The following MGST1 variants were observed in gnomAD, a reference collection of about 807,000 sequenced individuals.
MGST1 encodes microsomal glutathione S-transferase 1.
MGST1 carries 5 observed loss-of-function variants against 8.9 expected under a neutral mutation model. The observed-to-expected ratio is 0.56, with a 90% CI of 0.29 to 1.19. MGST1 has a LOEUF of 1.19. Ranked by LOEUF, MGST1 falls within the 50% of genes most tolerant of loss-of-function variation. The probability of loss-of-function intolerance (pLI) is 0.08; values close to 1 mark genes in which losing one functional copy is unlikely to be tolerated. For synonymous variants in MGST1, 54 were observed against 67.8 expected, an observed-to-expected ratio of 0.80 and a Z score of 1.00; for missense variants, 182 against 187.4, an observed-to-expected ratio of 0.97 and a Z score of 0.17.
intron 4 of MGST1, among the ~76,000 whole-genome samples, chr12:16,459,758 T>G (rs1014028876): frequency 1.3e-5 from 2 of 152,098 alleles, no homozygotes; most frequent in African/African-American, 4.8e-5. Flanking sequence ...ACTCAGCTTC[T>G]CAACCACATC....
chr12:16,560,373 G>C lies in MGST1; in HGVS notation n.483-29155G>C, dbSNP rs1431005847. 7 of 1,599,586 alleles carry C rather than the reference G, an allele frequency of 4.4e-6. No homozygotes were observed. The highest frequency in any genetic ancestry group is 6.0e-6 in the Non-Finnish European group (7 of 1,172,950). On this transcript the variant is annotated intron_variant and non_coding_transcript_variant, in intron 4 of 4. Transcript: ENST00000538857. The surrounding 1 kb of genome is among the most constrained non-coding windows in gnomAD (Gnocchi z 5.0). Reference sequence around the variant, plus strand: ...ATTAAATAAATAGCCAGCACAGAGAGGTTAACCATTTCTTAGAGACCAAAA... The same window carrying C: ...ATTAAATAAATAGCCAGCACAGAGACGTTAACCATTTCTTAGAGACCAAAA...
rs1326714388 is a variant in MGST1 at position 16,503,566 on chromosome 12, T to G, written n.483-85962T>G. On this transcript the variant is annotated intron_variant and non_coding_transcript_variant, in intron 4 of 4. Coordinates refer to the MGST1 transcript ENST00000538857. The surrounding 1 kb of genome is among the most constrained non-coding windows in gnomAD (Gnocchi z 4.8). The stretch of plus-strand genomic sequence containing the variant: ...ACTCTATCTCTTCTCTACTATTGGC[T>G]TCATAATTGTACATCCTCTTTAGAC... Among the ~76,000 whole-genome samples the G allele has an allele frequency of 6.6e-6, 1 of 152,200 alleles. No homozygotes were observed. Among genetic ancestry groups the G allele is most frequent in the Non-Finnish European group, 1.5e-5 (1 of 68,042 alleles).
chr12:16,549,220 C>G (rs548686190), intron 4 of MGST1: 2 of 152,194 alleles, frequency 1.3e-5, no homozygotes, highest in South Asian at 4.2e-4. Flanking sequence ...TTTGGTTATG[C>G]AAGTCCTTTC....
chr12:16,546,400 T>A lies in MGST1; in HGVS notation n.483-43128T>A, dbSNP rs922022305. Among the ~76,000 whole-genome samples the A allele has an allele frequency of 2.6e-5, 4 of 152,218 alleles. No individual in the cohort carries two copies. Among genetic ancestry groups the A allele is most frequent in the Non-Finnish European group, 4.4e-5 (3 of 67,980 alleles). On this transcript the variant is annotated intron_variant and non_coding_transcript_variant, in intron 4 of 4. Coordinates refer to the MGST1 transcript ENST00000538857. This position sits in a 1 kb window ranked among gnomAD's most constrained non-coding sequence, Gnocchi z 4.7. ...GTGATACCAATTTCGAGTATTCAGCTTCTGAGTCCAGAATACCAATTGTGT... is the reference window on the plus strand; with the variant it reads ...GTGATACCAATTTCGAGTATTCAGCATCTGAGTCCAGAATACCAATTGTGT...
intron 1 of MGST1, among the ~76,000 whole-genome samples, chr12:16,419,161 A>G (rs112533689): frequency 1.3e-5 from 2 of 152,134 alleles, no homozygotes; most frequent in African/African-American, 4.8e-5. Flanking sequence ...AAATCTGACA[A>G]TCTTCTTTCC....
Position 16,361,510 on chromosome 12 carries a change from T to A in MGST1, c.222-2285T>A, listed in dbSNP as rs866121518. On this transcript the variant is annotated intron_variant, in intron 3 of 3. Coordinates refer to ENST00000396210, the MANE Select transcript of MGST1 (RefSeq NM_020300.5). The surrounding 1 kb of genome is among the most constrained non-coding windows in gnomAD (Gnocchi z 4.2). ...GAAAGTGGACTCTTAGGAAGACTGA[T>A]GTCCACCTGGTGATAGATTTTGGCA... 5.8e-4 allele frequency among the ~76,000 whole-genome samples: 89 copies of A among 152,202 alleles called. 1 individual carries two copies. The highest frequency in any genetic ancestry group is 3.2e-4 in the Non-Finnish European group (22 of 68,030).
At chr12:16,522,173 A>G (rs2137191102) in intron 4 of MGST1, among the ~76,000 whole-genome samples, 1 of 152,192 alleles carries the variant, frequency 6.6e-6, no homozygotes. Context: ...TCCACTCTTC[A>G]TCAGCTCGGG....
At chr12:16,429,084 A>G (rs989132495) in intron 1 of MGST1, among the ~76,000 whole-genome samples, 2 of 152,040 alleles carry the variant, frequency 1.3e-5, no homozygotes, top group African/African-American at 4.8e-5. Context: ...ACATTGTTAA[A>G]TTTTTTGAAC....
downstream of MGST1, among the ~76,000 whole-genome samples, chr12:16,378,632 TC>T (rs1940417532): frequency 6.7e-6 from 1 of 150,216 alleles, no homozygotes; most frequent in Non-Finnish European, 1.5e-5. Flanking sequence ...CGATGCGGGC[TC>T]TTTTTTGGTT....
intron 3 of MGST1, among the ~76,000 whole-genome samples, chr12:16,358,127 C>T (rs763704681): frequency 1.3e-5 from 2 of 152,082 alleles, no homozygotes; most frequent in Non-Finnish European, 1.5e-5. Flanking sequence ...TTTCTCTGTC[C>T]CTCTCCCCAC....
chr12:16,350,155 CA>C (rs1939397646), intron 1 of MGST1, among the ~76,000 whole-genome samples: 1 of 151,998 alleles, frequency 6.6e-6, no homozygotes, highest in South Asian at 2.1e-4. Context: ...AGTTAAGTTA[CA>C]CTTACTAAGT....
chr12:16,393,028 A>G (rs1270901937), intron 1 of MGST1, among the ~76,000 whole-genome samples: 1 of 152,186 alleles, frequency 6.6e-6, no homozygotes, highest in Admixed American at 6.5e-5. Context: ...GGCCATTCTA[A>G]TGTCACCCAT....
chr12:16,546,261 G>A lies in MGST1; in HGVS notation n.483-43267G>A, dbSNP rs1411861463. Among the ~76,000 whole-genome samples, 2 of 152,090 alleles carry A rather than the reference G, an allele frequency of 1.3e-5. No homozygotes were observed. The highest frequency in any genetic ancestry group is 1.9e-4 in the East Asian group (1 of 5,194). On this transcript the variant is annotated intron_variant and non_coding_transcript_variant, in intron 4 of 4. Transcript: ENST00000538857. The surrounding 1 kb of genome is among the most constrained non-coding windows in gnomAD (Gnocchi z 4.7). ...CAGGGTGAAAAAAGATTTTGATTAT[G>A]TATTATCTGAATGTCTCTTGTTCCC...
rs890029628 is a variant in MGST1, at chr12:16,410,864, A to G, written n.779-26524A>G. On this transcript the variant is annotated intron_variant and non_coding_transcript_variant, in intron 1 of 1. Transcript: ENST00000359720. This position sits in a 1 kb window ranked among gnomAD's most constrained non-coding sequence, Gnocchi z 4.4. ...ATTTGGTTTGACTCCATTTTTTCCC[A>G]AGATGTTCCAGAATCACTATTTCTC... is the stretch of plus-strand genomic sequence containing the variant. Among the ~76,000 whole-genome samples, 17 of 151,910 alleles carry G rather than the reference A, an allele frequency of 1.1e-4. No homozygotes were observed. Among genetic ancestry groups the G allele is most frequent in the African/African-American group, 3.6e-4 (15 of 41,384 alleles).
chr12:16,573,068 G>T (rs1304297862), intron 4 of MGST1, among the ~76,000 whole-genome samples: 1 of 151,240 alleles, frequency 6.6e-6, no homozygotes, highest in African/African-American at 2.4e-5. Context: ...CTTATAAAAG[G>T]AAAGAAAAAA....
chr12:16,423,912 G>T (rs1441335290), intron 1 of MGST1, among the ~76,000 whole-genome samples: 1 of 152,048 alleles, frequency 6.6e-6, no homozygotes, highest in Non-Finnish European at 1.5e-5. Flanking sequence ...GTTGAGTGTC[G>T]GTGCTCCAGC....
At chr12:16,377,863 T>C (rs1222623845), downstream of MGST1, among the ~76,000 whole-genome samples, 2 of 150,932 alleles carry the variant, frequency 1.3e-5, no homozygotes, top group Non-Finnish European at 3.0e-5. Context: ...TGGTATCTCA[T>C]TGTGGTTTTG....
chr12:16,384,105 G>A (rs1940482812), intron 1 of MGST1, among the ~76,000 whole-genome samples: 1 of 152,124 alleles, frequency 6.6e-6, no homozygotes, highest in South Asian at 2.1e-4. Context: ...GGGGTTCAGA[G>A]AGAATGGATC....
At position 16,401,103 on chromosome 12, in the gene MGST1, C is replaced by T; in HGVS notation, n.778+17499C>T. ...CCTCTGCCTCATCTTTCTCCTCCTC[C>T]TCCTTTTCCTCATCTTCGTTCCTTA... On this transcript the variant is annotated intron_variant and non_coding_transcript_variant, in intron 1 of 1. Transcript: ENST00000359720. This position sits in a 1 kb window ranked among gnomAD's most constrained non-coding sequence, Gnocchi z 4.3. 2 of 1,583,810 alleles carry T rather than the reference C, an allele frequency of 1.3e-6. No individual in the cohort carries two copies. The highest frequency in any genetic ancestry group is 2.2e-5 in the South Asian group (2 of 90,434).
Sources: gnomAD v4.1 joint callset for allele counts (sites outside exome capture counted in the v4.1 genomes callset) on GRCh38, gnomAD v4.1.1 for gene constraint, Gnocchi (gnomAD v3.1) non-coding constraint, MANE v1.5 for transcripts, NCBI Gene and HGNC (gene_info 2026-07-23, HGNC 2026-07-21) for gene names.